SLC24A2: variants seen among roughly 807,000 people sequenced by gnomAD.
SLC24A2 encodes the protein solute carrier family 24 member 2.
SLC24A2 carries 36 observed loss-of-function variants against 62.0 expected under a neutral mutation model. The ratio of observed to expected loss-of-function variants is 0.58; its 90% CI spans 0.44 to 0.77. The LOEUF (loss-of-function observed/expected upper bound fraction) is 0.77. Ranked by LOEUF, SLC24A2 falls within the 30% of genes least tolerant of loss-of-function variation. The probability of loss-of-function intolerance (pLI) is 0.00; values close to 1 mark genes in which losing one functional copy is unlikely to be tolerated. For synonymous variants in SLC24A2, 358 were observed against 294.0 expected (o/e 1.22, Z -2.23); for missense variants, 846 against 817.9 (o/e 1.03, Z -0.42).
chr9:19,940,846 A>G, the SLC24A2 span, among the ~76,000 whole-genome samples: 1 of 152,252 alleles, frequency 6.6e-6, no homozygotes, highest in African/African-American at 2.4e-5. Context: ...GGCTTTTTGT[A>G]AAGCCAAACG....
the SLC24A2 span, among the ~76,000 whole-genome samples, chr9:19,811,276 C>T: frequency 6.6e-6 from 1 of 152,170 alleles, no homozygotes; most frequent in East Asian, 1.9e-4. Context: ...CTCAGACTTC[C>T]AGCCCCTAGA....
intron 7 of SLC24A2, among the ~76,000 whole-genome samples, chr9:19,560,916 T>TATATAG (rs1449688728): frequency 8.4e-5 from 10 of 119,448 alleles, no homozygotes; most frequent in Non-Finnish European, 1.4e-4. Context: ...TATATATATA[T>TATATAG]AGAGAGAGAG....
At chr9:20,162,896 T>G in the SLC24A2 span, among the ~76,000 whole-genome samples, 1 of 152,096 alleles carries the variant, frequency 6.6e-6, no homozygotes, top group East Asian at 1.9e-4. Flanking sequence ...ATTATCTCAA[T>G]AGATGCAGAA....
chr9:20,021,586 T>C, the SLC24A2 span, among the ~76,000 whole-genome samples: 1 of 151,828 alleles, frequency 6.6e-6, no homozygotes, highest in Non-Finnish European at 1.5e-5. Context: ...TCAAGCAGAA[T>C]CATCATGGCA....
the SLC24A2 span, among the ~76,000 whole-genome samples, chr9:19,978,431 T>G: frequency 1.3e-5 from 2 of 151,958 alleles, no homozygotes; most frequent in Non-Finnish European, 2.9e-5. Flanking sequence ...TTAAAGAATG[T>G]GTCACTCCAG....
the SLC24A2 span, among the ~76,000 whole-genome samples, chr9:20,239,235 T>C: frequency 6.6e-6 from 1 of 152,260 alleles, no homozygotes; most frequent in African/African-American, 2.4e-5. Flanking sequence ...CAGTTACATT[T>C]GAATTTCAGA....
chr9:19,525,986 G>A (rs1833431544), intron 9 of SLC24A2, among the ~76,000 whole-genome samples: 1 of 152,046 alleles, frequency 6.6e-6, no homozygotes, highest in South Asian at 2.1e-4. Context: ...CATACCCACT[G>A]GCAGTCACTC....
At chr9:19,528,211 A>T (rs1833527861) in intron 8 of SLC24A2, 73 bp from the exon 9 acceptor site, 1 of 1,014,914 alleles carries the variant, frequency 9.9e-7, no homozygotes, top group Non-Finnish European at 1.5e-6. Context: ...CCAAAGCTAA[A>T]GCCACCATTG....
At chr9:20,269,269 G>A in the SLC24A2 span, among the ~76,000 whole-genome samples, 2 of 152,132 alleles carry the variant, frequency 1.3e-5, no homozygotes, top group African/African-American at 4.8e-5. Context: ...TGGAGGGCAG[G>A]TGTTTTTATC....
At position 19,786,374 on chromosome 9, in the gene SLC24A2, T is replaced by C. The variant is rs576684405; in HGVS notation, c.493A>G (p.Thr165Ala). Residue 165 changes from threonine (T) to alanine (A), a missense_variant, in exon 2 of 11, where the codon ACT becomes GCT. Coordinates refer to ENST00000341998, the MANE Select transcript of SLC24A2 (RefSeq NM_020344.4). The surrounding 1 kb of genome is among the most constrained non-coding windows in gnomAD (Gnocchi z 5.0). Reference protein sequence around the residue: ...EFFVPSLTVITEKLGISDDVA... With the variant: ...EFFVPSLTVIAEKLGISDDVA... The stretch of plus-strand genomic sequence containing the variant: ...TCATCAGAGATGCCCAGTTTTTCAG[T>C]GATGACAGTCAAAGAAGGAACAAAG... 6.2e-7 allele frequency: 1 copy of C among 1,614,190 alleles called. No homozygotes were observed. Among genetic ancestry groups the C allele is most frequent in the South Asian group, 1.1e-5 (1 of 91,082 alleles).
intron 8 of SLC24A2, among the ~76,000 whole-genome samples, chr9:19,542,234 T>C (rs909632464): frequency 6.6e-6 from 1 of 152,190 alleles, no homozygotes; most frequent in Admixed American, 6.5e-5. Flanking sequence ...TCCTCCCTTC[T>C]CTCTGTTTGT....
chr9:19,614,016 T>G (rs1817699264), intron 4 of SLC24A2, among the ~76,000 whole-genome samples: 1 of 152,216 alleles, frequency 6.6e-6, no homozygotes, highest in Admixed American at 6.5e-5. Context: ...GAAAGTACTC[T>G]GCAAATGTTG....
the SLC24A2 span, among the ~76,000 whole-genome samples, chr9:20,146,636 T>C: frequency 6.6e-6 from 1 of 152,024 alleles, no homozygotes; most frequent in East Asian, 1.9e-4. Flanking sequence ...AGTATAGTGG[T>C]AAAATTGGTT....
intron 2 of SLC24A2, among the ~76,000 whole-genome samples, chr9:19,725,791 A>C (rs1050160167): frequency 1.3e-5 from 2 of 152,130 alleles, no homozygotes; most frequent in African/African-American, 4.8e-5. Context: ...AATGGAAGTA[A>C]TATGGACCCA....
chr9:20,130,568 G>A, the SLC24A2 span, among the ~76,000 whole-genome samples: 1 of 151,968 alleles, frequency 6.6e-6, no homozygotes, highest in African/African-American at 2.4e-5. Flanking sequence ...ATTAGGAAGG[G>A]TAGAGAATTT....
At chr9:19,658,900 C>T (rs1819014672) in intron 2 of SLC24A2, among the ~76,000 whole-genome samples, 1 of 152,176 alleles carries the variant, frequency 6.6e-6, no homozygotes, top group Middle Eastern at 3.2e-3. Context: ...TTCCAGTTTC[C>T]CTCTCTCCCT....
At chr9:20,228,096 T>C in the SLC24A2 span, among the ~76,000 whole-genome samples, 99 of 152,266 alleles carry the variant, frequency 6.5e-4, 1 homozygote, top group African/African-American at 2.3e-3. Flanking sequence ...AACACTAGAA[T>C]GTCAGAAACT....
In SLC24A2 at chr9:19,788,426, G is replaced by T. The variant is rs952531728; in HGVS notation, c.-154+459C>A. The stretch of plus-strand genomic sequence containing the variant: ...GCTCGTCTCCCCGGGAGCTGCCTCC[G>T]TAGGAGAATGTTCGCCCCCAGCCGC... On this transcript the variant is annotated intron_variant, in intron 1 of 10. Transcript: ENST00000341998. The T allele has an allele frequency of 1.5e-5, 12 of 824,166 alleles. No homozygotes were observed. In the East Asian group the frequency reaches 1.4e-3, roughly 93 times the overall value. The allele number at this position is 824,166 out of a possible 1,614,324, so 51.1% of individuals were successfully genotyped here.
chr9:19,847,692 G>T, the SLC24A2 span, among the ~76,000 whole-genome samples: 18 of 152,292 alleles, frequency 1.2e-4, no homozygotes, highest in East Asian at 2.3e-3. Context: ...CGCACTGGAG[G>T]TAGTTTACCA....
Sources: gnomAD v4.1 joint callset for allele counts (sites outside exome capture counted in the v4.1 genomes callset) on GRCh38, gnomAD v4.1.1 for gene constraint, Gnocchi (gnomAD v3.1) non-coding constraint, MANE v1.5 for transcripts, NCBI Gene and HGNC (gene_info 2026-07-23, HGNC 2026-07-21) for gene names.